ACTL8: variants seen among roughly 807,000 people sequenced by gnomAD.
The protein encoded by ACTL8 is actin like 8.
In ACTL8, 3 loss-of-function variants were observed where a neutral mutation model predicts 9.3. The observed-to-expected ratio is 0.32, with a 90% CI of 0.15 to 0.83. ACTL8 has a LOEUF of 0.83. Ranked by LOEUF, ACTL8 falls within the 40% of genes least tolerant of loss-of-function variation. ACTL8 has a pLI of 0.57. For synonymous variants in ACTL8, 224 were observed against 205.9 expected, an observed-to-expected ratio of 1.09 and a Z score of -0.75; for missense variants, 381 against 492.2, an observed-to-expected ratio of 0.77 and a Z score of 2.14.
chr1:17,816,839 G>A (rs542615312), intron 1 of ACTL8, among the ~76,000 whole-genome samples: 7 of 152,184 alleles, frequency 4.6e-5, no homozygotes, highest in South Asian at 2.1e-4. Flanking sequence ...AGTTGCATAG[G>A]TTCCTTTTCT....
intron 2 of ACTL8, among the ~76,000 whole-genome samples, chr1:17,825,248 CT>C (rs1174597528): frequency 6.6e-6 from 1 of 151,774 alleles, no homozygotes; most frequent in East Asian, 1.9e-4. Flanking sequence ...CATCTTTTCC[CT>C]TTTTTTCTTT....
intron 1 of ACTL8, among the ~76,000 whole-genome samples, chr1:17,799,377 A>C (rs930484669): frequency 2.0e-5 from 3 of 151,946 alleles, no homozygotes; most frequent in Non-Finnish European, 4.4e-5. Flanking sequence ...TTTGAACATC[A>C]TCTCCTTATA....
At chr1:17,814,489 C>T (rs12567179) in intron 1 of ACTL8, among the ~76,000 whole-genome samples, 1 of 151,512 alleles carries the variant, frequency 6.6e-6, no homozygotes, top group South Asian at 2.1e-4. Context: ...GTATTCAGTA[C>T]AATAACACGC....
At chr1:17,765,854 T>C (rs1046574791) in intron 1 of ACTL8, among the ~76,000 whole-genome samples, 3 of 152,186 alleles carry the variant, frequency 2.0e-5, no homozygotes, top group Admixed American at 2.0e-4. Context: ...GTGGGTTCAT[T>C]ACATCTGGCA....
At chr1:17,811,601 T>C (rs569123957) in intron 1 of ACTL8, among the ~76,000 whole-genome samples, 1 of 152,356 alleles carries the variant, frequency 6.6e-6, no homozygotes, top group African/African-American at 2.4e-5. Context: ...ATATCTATAT[T>C]TTACATGATC....
intron 1 of ACTL8, among the ~76,000 whole-genome samples, chr1:17,804,581 G>A (rs1313177838): frequency 6.6e-6 from 1 of 151,864 alleles, no homozygotes; most frequent in Non-Finnish European, 1.5e-5. Flanking sequence ...CCAGCTGGTC[G>A]TCTTCCTTTC....
At chr1:17,763,955 T>G (rs1205275183) in intron 1 of ACTL8, among the ~76,000 whole-genome samples, 1 of 152,176 alleles carries the variant, frequency 6.6e-6, no homozygotes, top group African/African-American at 2.4e-5. Flanking sequence ...ATGGGCTAAC[T>G]GGGACAATGA....
intron 1 of ACTL8, among the ~76,000 whole-genome samples, chr1:17,774,743 T>C (rs2066107451): frequency 6.6e-6 from 1 of 152,110 alleles, no homozygotes; most frequent in Non-Finnish European, 1.5e-5. Flanking sequence ...CCACAGCAGC[T>C]TGTCGGGCCA....
chr1:17,808,122 T>G (rs1321608797), intron 1 of ACTL8, among the ~76,000 whole-genome samples: 1 of 152,156 alleles, frequency 6.6e-6, no homozygotes, highest in African/African-American at 2.4e-5. Context: ...AAGTGCTAAG[T>G]GGAAAGTTCC....
intron 1 of ACTL8, among the ~76,000 whole-genome samples, chr1:17,807,834 G>A (rs897333494): frequency 6.6e-6 from 1 of 151,964 alleles, no homozygotes; most frequent in Non-Finnish European, 1.5e-5. Context: ...TCACACACTG[G>A]GGCCTGTGGG....
At chr1:17,775,824 G>A (rs2066115232) in intron 1 of ACTL8, among the ~76,000 whole-genome samples, 1 of 152,098 alleles carries the variant, frequency 6.6e-6, no homozygotes, top group Non-Finnish European at 1.5e-5. Context: ...ATGTGCCCTA[G>A]GTGCTCTCAG....
chr1:17,799,812 A>T (rs1220037233), intron 1 of ACTL8, among the ~76,000 whole-genome samples: 1 of 152,072 alleles, frequency 6.6e-6, no homozygotes, highest in Non-Finnish European at 1.5e-5. Flanking sequence ...CTGTACTGTA[A>T]ATCAGCTCCG....
intron 1 of ACTL8, among the ~76,000 whole-genome samples, chr1:17,764,224 C>CG (rs2066028260): frequency 6.6e-6 from 1 of 152,078 alleles, no homozygotes; most frequent in Non-Finnish European, 1.5e-5. Flanking sequence ...GGGTAGAGGC[C>CG]AGGGAAGCTG....
Position 17,826,698 on chromosome 1 carries a change from C to A in ACTL8, c.*179C>A. On this transcript the variant is annotated 3_prime_UTR_variant, in exon 3 of 3. Coordinates refer to ENST00000375406, the MANE Select transcript of ACTL8 (RefSeq NM_030812.3). This position sits in a 1 kb window ranked among gnomAD's most constrained non-coding sequence, Gnocchi z 4.5. ...GTTTTATCTTGTTGCAAGAGTGGGA[C>A]CTACCCAAGGGGGAAGACAAGATGT... 1.7e-6 allele frequency: 1 copy of A among 575,400 alleles called. No individual in the cohort carries two copies. Among genetic ancestry groups the A allele is most frequent in the Non-Finnish European group, 2.8e-6 (1 of 362,460 alleles). The allele number at this position is 575,400 out of a possible 1,614,324, so 35.6% of individuals were successfully genotyped here.
chr1:17,805,791 C>T lies in ACTL8; in HGVS notation c.-24-17194C>T, dbSNP rs746160511. 2.0e-4 allele frequency among the ~76,000 whole-genome samples: 30 copies of T among 152,154 alleles called. 1 individual carries two copies. The highest frequency in any genetic ancestry group is 1.5e-5 in the Non-Finnish European group (1 of 68,030). On this transcript the variant is annotated intron_variant, in intron 1 of 2. Coordinates refer to ENST00000375406, the MANE Select transcript of ACTL8 (RefSeq NM_030812.3). ...TTGTTCATGGCTATATCTGCAGAGC[C>T]CTGTGCAGTGTATGGTACATAGAAG... is the stretch of plus-strand genomic sequence containing the variant.
intron 1 of ACTL8, among the ~76,000 whole-genome samples, chr1:17,786,015 G>A (rs1383885521): frequency 2.0e-5 from 3 of 152,190 alleles, no homozygotes; most frequent in Admixed American, 6.5e-5. Context: ...GTGTGACTGA[G>A]GGCTCCAGCC....
chr1:17,781,916 A>G (rs1249713499), intron 1 of ACTL8, among the ~76,000 whole-genome samples: 1 of 152,200 alleles, frequency 6.6e-6, no homozygotes, highest in African/African-American at 2.4e-5. Context: ...CAAACACAGA[A>G]AGAAGGGGAA....
In ACTL8 at chr1:17,766,134, T is replaced by C. The variant is rs567014266; in HGVS notation, c.-25+10630T>C. On this transcript the variant is annotated intron_variant, in intron 1 of 2. Coordinates refer to ENST00000375406, the MANE Select transcript of ACTL8 (RefSeq NM_030812.3). ...AGCACTGCTGATGTCTCCAAAGGCA[T>C]CTGGGTGCTCCACGGCTGTGATGGA... Among the ~76,000 whole-genome samples the C allele has an allele frequency of 2.6e-4, 39 of 152,350 alleles. No individual in the cohort carries two copies. The East Asian group carries it at 5.2e-3, about 20-fold the overall frequency.
intron 1 of ACTL8, among the ~76,000 whole-genome samples, chr1:17,765,709 G>A (rs1238601226): frequency 2.6e-5 from 4 of 152,122 alleles, no homozygotes; most frequent in East Asian, 1.9e-4. Flanking sequence ...ACTTATTCAC[G>A]ATCTGTCTCC....
Sources: allele counts gnomAD v4.1 joint callset (sites outside exome capture counted in the v4.1 genomes callset), GRCh38; gene constraint gnomAD v4.1.1; non-coding constraint Gnocchi (gnomAD v3.1); transcripts MANE v1.5; gene names NCBI Gene and HGNC (gene_info 2026-07-23, HGNC 2026-07-21).